Variants in FRMD4A observed in about 807,000 individuals in gnomAD.
FRMD4A encodes FERM domain-containing protein 4A.
FRMD4A carries 29 observed loss-of-function variants against 129.1 expected under a neutral mutation model. The ratio of observed to expected loss-of-function variants is 0.22; its 90% CI spans 0.17 to 0.31. FRMD4A has a LOEUF of 0.31. FRMD4A is among the 10% of genes least tolerant of loss of function. FRMD4A has a pLI of 1.00. For synonymous variants in FRMD4A, 634 were observed against 571.6 expected, an observed-to-expected ratio of 1.11 and a Z score of -1.56; for missense variants, 1,272 against 1,375.8, an observed-to-expected ratio of 0.92 and a Z score of 1.19.
intron 2 of FRMD4A, among the ~76,000 whole-genome samples, chr10:13,954,129 C>T (rs1349617915): frequency 6.6e-6 from 1 of 152,194 alleles, no homozygotes; most frequent in Non-Finnish European, 1.5e-5. Context: ...GCCTTTGCTG[C>T]TTCTCCGCAG....
intron 16 of FRMD4A, among the ~76,000 whole-genome samples, chr10:13,673,769 CTTTTTTTT>C (rs1156236426): frequency 1.1e-5 from 1 of 94,286 alleles, no homozygotes; most frequent in African/African-American, 4.7e-5. Context: ...GAAAGCATTG[CTTTTTTTT>C]TTTTTTTTTT....
At chr10:13,707,279 C>A in intron 12 of FRMD4A, 166 bp from the exon 13 acceptor site, 1 of 834,930 alleles carries the variant, frequency 1.2e-6, no homozygotes. Flanking sequence ...CACATACACA[C>A]ACACACGCAG....
At chr10:13,939,319 GA>G (rs2095273122) in intron 2 of FRMD4A, among the ~76,000 whole-genome samples, 1 of 152,188 alleles carries the variant, frequency 6.6e-6, no homozygotes, top group Admixed American at 6.6e-5. Flanking sequence ...TTTATGGTGA[GA>G]TTACCAATGC....
At chr10:13,906,550 C>T (rs1158224625) in intron 2 of FRMD4A, among the ~76,000 whole-genome samples, 1 of 152,112 alleles carries the variant, frequency 6.6e-6, no homozygotes, top group East Asian at 1.9e-4. Flanking sequence ...GTATTATTTC[C>T]ATTATCAGCA....
intron 2 of FRMD4A, among the ~76,000 whole-genome samples, chr10:14,264,447 T>C (rs774686746): frequency 2.0e-5 from 3 of 152,244 alleles, no homozygotes; most frequent in African/African-American, 4.8e-5. Flanking sequence ...AATGAGGTAT[T>C]GCTGGACTCT....
chr10:13,877,734 G>A (rs2131107935), intron 2 of FRMD4A, among the ~76,000 whole-genome samples: 1 of 152,342 alleles, frequency 6.6e-6, no homozygotes, highest in South Asian at 2.1e-4. Context: ...GGTCTTGCAT[G>A]AGCTGTGCTG....
intron 2 of FRMD4A, among the ~76,000 whole-genome samples, chr10:14,010,132 T>C (rs1304147142): frequency 1.3e-5 from 2 of 151,868 alleles, no homozygotes. Flanking sequence ...GGGGGGACAA[T>C]GATGAGATGG....
At chr10:14,129,371 CATAT>C (rs3033977) in intron 2 of FRMD4A, among the ~76,000 whole-genome samples, 3,219 of 46,136 alleles carry the variant, frequency 0.07, 91 homozygotes, top group Non-Finnish European at 0.069. Flanking sequence ...AATTATGATT[CATAT>C]ATATATATAT....
chr10:13,671,269 C>T (rs1177437044), intron 16 of FRMD4A, among the ~76,000 whole-genome samples: 1 of 152,116 alleles, frequency 6.6e-6, no homozygotes, highest in African/African-American at 2.4e-5. Context: ...GCCTGGCCAA[C>T]ATGGTGAAAC....
At chr10:13,883,916 C>T (rs1219523644) in intron 2 of FRMD4A, among the ~76,000 whole-genome samples, 1 of 152,074 alleles carries the variant, frequency 6.6e-6, no homozygotes, top group African/African-American at 2.4e-5. Flanking sequence ...CCTGTGTGTG[C>T]CTGTTTAATC....
At chr10:14,191,494 T>C (rs1842315521) in intron 2 of FRMD4A, among the ~76,000 whole-genome samples, 1 of 152,158 alleles carries the variant, frequency 6.6e-6, no homozygotes, top group South Asian at 2.1e-4. Flanking sequence ...GGTCTCTCTG[T>C]CACTAATTGA....
intron 3 of FRMD4A, among the ~76,000 whole-genome samples, chr10:13,826,290 C>T (rs953745322): frequency 2.0e-5 from 3 of 152,198 alleles, no homozygotes; most frequent in East Asian, 1.9e-4. Flanking sequence ...TCCTTCATCT[C>T]GGGAACCATG....
intron 20 of FRMD4A, among the ~76,000 whole-genome samples, chr10:13,659,971 TC>T (rs1256192936): frequency 6.6e-6 from 1 of 152,202 alleles, no homozygotes; most frequent in Non-Finnish European, 1.5e-5. Flanking sequence ...GGGGTAGAGT[TC>T]TGAACCACTC....
intron 2 of FRMD4A, among the ~76,000 whole-genome samples, chr10:13,951,979 CTT>C (rs1010603945): frequency 5.3e-5 from 8 of 149,754 alleles, no homozygotes; most frequent in African/African-American, 1.9e-4. Flanking sequence ...TATCTGTTCT[CTT>C]TGCTTTTTCA....
chr10:14,178,216 C>T (rs10796170), intron 2 of FRMD4A, among the ~76,000 whole-genome samples: 123,773 of 152,178 alleles, frequency 0.81, 52,818 homozygotes, highest in Non-Finnish European at 0.95. Flanking sequence ...ATAAGACATA[C>T]AAAGACTTAA....
At chr10:14,183,938 A>G (rs2131905280) in intron 2 of FRMD4A, among the ~76,000 whole-genome samples, 1 of 152,262 alleles carries the variant, frequency 6.6e-6, no homozygotes, top group East Asian at 1.9e-4. Context: ...TAATCATAAG[A>G]ACAAAGAGAA....
At chr10:13,908,157 C>T (rs537972925) in intron 2 of FRMD4A, among the ~76,000 whole-genome samples, 1 of 85,758 alleles carries the variant, frequency 1.2e-5, no homozygotes, top group Non-Finnish European at 2.2e-5. Flanking sequence ...AAGACGGAAA[C>T]TCCATCTAAA....
chr10:13,694,136 G>A (rs2085994214), intron 14 of FRMD4A, 97 bp from the exon 15 acceptor site: 24 of 949,626 alleles, frequency 2.5e-5, no homozygotes, highest in South Asian at 3.8e-5. Context: ...TTGACATTCC[G>A]CAAAGGGACT....
chr10:13,673,572 G>A (rs1395149580), intron 16 of FRMD4A, among the ~76,000 whole-genome samples: 1 of 149,574 alleles, frequency 6.7e-6, no homozygotes, highest in Admixed American at 6.6e-5. Context: ...GCACACATGT[G>A]CATGCGTGCG....
Sources: allele counts gnomAD v4.1 joint callset (sites outside exome capture counted in the v4.1 genomes callset), GRCh38; gene constraint gnomAD v4.1.1; transcripts MANE v1.5; gene names NCBI Gene and HGNC (gene_info 2026-07-23, HGNC 2026-07-21).